SPATA16: variants seen among roughly 807,000 people sequenced by gnomAD.
SPATA16 encodes the protein spermatogenesis-associated protein 16.
SPATA16 carries 36 observed loss-of-function variants against 63.3 expected under a neutral mutation model. The ratio of observed to expected loss-of-function variants is 0.57; its 90% confidence interval spans 0.44 to 0.75. SPATA16 has a LOEUF of 0.75. SPATA16 is among the 30% of genes least tolerant of loss of function. The probability of loss-of-function intolerance (pLI) is 0.00; values close to 1 mark genes in which losing one functional copy is unlikely to be tolerated. For missense variants in SPATA16, 646 were observed against 679.3 expected, an observed-to-expected ratio of 0.95 and a Z score of 0.54; for synonymous variants, 203 against 216.7, an observed-to-expected ratio of 0.94 and a Z score of 0.56.
chr3:173,019,883 ATT>A (rs1560098545), intron 3 of SPATA16, among the ~76,000 whole-genome samples: 2 of 151,864 alleles, frequency 1.3e-5, no homozygotes, highest in Non-Finnish European at 2.9e-5. Flanking sequence ...GTGCTATTTT[ATT>A]TGTTTTTAAA....
chr3:173,007,633 ATTAT>A (rs745939142), intron 4 of SPATA16, among the ~76,000 whole-genome samples: 29 of 152,334 alleles, frequency 1.9e-4, no homozygotes, highest in Middle Eastern at 6.8e-3. Context: ...ACCTATTTTT[ATTAT>A]TTAATCTATT....
At chr3:173,026,732 T>C (rs1735462118) in intron 3 of SPATA16, among the ~76,000 whole-genome samples, 1 of 151,970 alleles carries the variant, frequency 6.6e-6, no homozygotes, top group South Asian at 2.1e-4. Context: ...CAATTAACCA[T>C]ATCTGTGTGA....
At chr3:172,975,719 A>G (rs1426270532) in intron 5 of SPATA16, among the ~76,000 whole-genome samples, 1 of 152,106 alleles carries the variant, frequency 6.6e-6, no homozygotes, top group East Asian at 1.9e-4. Flanking sequence ...TTGTTTTTTC[A>G]TTTTAAAATA....
At chr3:173,100,701 C>T (rs1163136038) in intron 2 of SPATA16, among the ~76,000 whole-genome samples, 1 of 113,576 alleles carries the variant, frequency 8.8e-6, no homozygotes, top group Non-Finnish European at 1.8e-5. Context: ...CACACACACA[C>T]ACACACAGAG....
chr3:172,901,040 A>G (rs1232314226), intron 10 of SPATA16, among the ~76,000 whole-genome samples: 1 of 150,998 alleles, frequency 6.6e-6, no homozygotes, highest in East Asian at 2.0e-4. Flanking sequence ...TTTTTGTTAT[A>G]GTTATTTTAT....
At chr3:173,044,908 G>A (rs1166178895) in intron 3 of SPATA16, among the ~76,000 whole-genome samples, 5 of 152,030 alleles carry the variant, frequency 3.3e-5, no homozygotes, top group Non-Finnish European at 7.4e-5. Context: ...CTTTTGGTAG[G>A]TCATGGTCCT....
At chr3:173,106,770 T>A (rs938423914) in intron 2 of SPATA16, among the ~76,000 whole-genome samples, 2 of 152,178 alleles carry the variant, frequency 1.3e-5, no homozygotes, top group African/African-American at 4.8e-5. Flanking sequence ...TAGTAATGTT[T>A]CACACATCAT....
intron 10 of SPATA16, 94 bp from the exon 11 acceptor site, chr3:172,889,786 C>T (rs1731857320): frequency 6.6e-7 from 1 of 1,509,756 alleles, no homozygotes; most frequent in South Asian, 1.2e-5. Flanking sequence ...ATAAATGGCA[C>T]ATACAAATCC....
chr3:173,123,804 A>G (rs1056728360), intron 1 of SPATA16, among the ~76,000 whole-genome samples: 3 of 151,874 alleles, frequency 2.0e-5, no homozygotes, highest in Non-Finnish European at 4.4e-5. Flanking sequence ...GGATTTCACC[A>G]TGTTAGCCAG....
intron 2 of SPATA16, among the ~76,000 whole-genome samples, chr3:173,069,986 A>C (rs1193454682): frequency 6.6e-6 from 1 of 151,956 alleles, no homozygotes; most frequent in Non-Finnish European, 1.5e-5. Flanking sequence ...TAGAGGGCAC[A>C]GGCCTGAACT....
At chr3:173,113,123 A>G (rs1737793391) in intron 2 of SPATA16, among the ~76,000 whole-genome samples, 1 of 152,226 alleles carries the variant, frequency 6.6e-6, no homozygotes, top group Non-Finnish European at 1.5e-5. Flanking sequence ...AGTAGTATGT[A>G]TTGCCTAATA....
intron 2 of SPATA16, among the ~76,000 whole-genome samples, chr3:173,075,007 A>G (rs1560114964): frequency 6.7e-6 from 1 of 150,014 alleles, no homozygotes; most frequent in African/African-American, 2.4e-5. Context: ...AAAAAAAAAA[A>G]AAAAAGGAAA....
At chr3:173,112,422 A>G (rs1737771749) in intron 2 of SPATA16, among the ~76,000 whole-genome samples, 1 of 152,196 alleles carries the variant, frequency 6.6e-6, no homozygotes, top group African/African-American at 2.4e-5. Flanking sequence ...ATTTCCAACC[A>G]ACTCACACTT....
intron 1 of SPATA16, among the ~76,000 whole-genome samples, chr3:173,130,358 C>CAAAAAAAAA (rs1202660573): frequency 1.5e-4 from 6 of 39,894 alleles, no homozygotes; most frequent in East Asian, 8.4e-4. Context: ...GACTTCGTCT[C>CAAAAAAAAA]AAAAAAAAAA....
chr3:172,987,504 T>C (rs1734483941), intron 4 of SPATA16, among the ~76,000 whole-genome samples: 1 of 152,176 alleles, frequency 6.6e-6, no homozygotes, highest in Non-Finnish European at 1.5e-5. Context: ...CAGGTATGCA[T>C]GGAAATCTGG....
intron 3 of SPATA16, among the ~76,000 whole-genome samples, chr3:173,031,548 G>A (rs1246169350): frequency 6.6e-6 from 1 of 152,024 alleles, no homozygotes; most frequent in Non-Finnish European, 1.5e-5. Context: ...AAAAATCAGC[G>A]AGTGTTCCAT....
At chr3:172,929,742 C>T (rs1392942300) in intron 6 of SPATA16, among the ~76,000 whole-genome samples, 1 of 152,152 alleles carries the variant, frequency 6.6e-6, no homozygotes, top group African/African-American at 2.4e-5. Flanking sequence ...AAGCTACAGT[C>T]GCAGCTGGAA....
intron 2 of SPATA16, among the ~76,000 whole-genome samples, chr3:173,115,660 C>T (rs1419374481): frequency 6.6e-6 from 1 of 152,132 alleles, no homozygotes; most frequent in African/African-American, 2.4e-5. Context: ...TACCTAATTA[C>T]TTCATATCTA....
intron 6 of SPATA16, among the ~76,000 whole-genome samples, chr3:172,927,233 C>T (rs1732759218): frequency 6.6e-6 from 1 of 152,172 alleles, no homozygotes; most frequent in African/African-American, 2.4e-5. Context: ...ATACCCTACT[C>T]ACAGATGCCA....
Sources: gnomAD v4.1 joint callset for allele counts (sites outside exome capture counted in the v4.1 genomes callset) on GRCh38, gnomAD v4.1.1 for gene constraint, MANE v1.5 for transcripts, NCBI Gene and HGNC (gene_info 2026-07-23, HGNC 2026-07-21) for gene names.